The following BBS4 variants were observed in gnomAD, a reference collection of about 807,000 sequenced individuals.
BBS4 encodes the protein Bardet-Biedl syndrome 4.
In BBS4, 58 loss-of-function variants were observed where a neutral mutation model predicts 71.4. The observed-to-expected ratio is 0.81, with a 90% CI of 0.66 to 1.01. The LOEUF is 1.01. BBS4 is among the 50% of genes least tolerant of loss of function. The pLI is 0.00. For synonymous variants in BBS4, 228 were observed against 216.8 expected (o/e 1.05, Z -0.46); for missense variants, 660 against 607.9 (o/e 1.09, Z -0.90).
At chr15:72,701,813 T>A (rs887989192) in intron 2 of BBS4, among the ~76,000 whole-genome samples, 4 of 152,030 alleles carry the variant, frequency 2.6e-5, no homozygotes, top group East Asian at 1.9e-4. Context: ...ACACTGGTTT[T>A]AAAAAAAATA....
rs769131369 is a variant in BBS4, at chr15:72,737,525, G to C, written c.1498G>C (p.Glu500Gln). ...CACAAAGCCCCCATCTCTTCCTCTGGAGCCAGAGCCTGCGGTGGAATCAAG... is the reference window on the plus strand; with the variant it reads ...CACAAAGCCCCCATCTCTTCCTCTGCAGCCAGAGCCTGCGGTGGAATCAAG... The part of the protein sequence containing the change: ...QFTKPPSLPL[E>Q]PEPAVESSPT... Residue 500 changes from glutamate to glutamine, a missense_variant, in exon 16 of 16, where the codon GAG (glutamate) becomes CAG (glutamine). Transcript: ENST00000268057. The C allele has an allele frequency of 4.3e-6, 7 of 1,613,210 alleles. No individual in the cohort carries two copies. The highest frequency in any genetic ancestry group is 5.9e-6 in the Non-Finnish European group (7 of 1,179,672).
At chr15:72,693,560 T>C (rs2065023592) in intron 1 of BBS4, among the ~76,000 whole-genome samples, 1 of 152,232 alleles carries the variant, frequency 6.6e-6, no homozygotes, top group South Asian at 2.1e-4. Context: ...CCATAGACAT[T>C]ATGTAAACAT....
At chr15:72,736,133 T>G (rs1251598685) in intron 14 of BBS4, among the ~76,000 whole-genome samples, 167 bp downstream of exon 14, 2 of 152,140 alleles carry the variant, frequency 1.3e-5, no homozygotes, top group African/African-American at 4.8e-5. Context: ...AGAAAAACTT[T>G]CCTAGAATAA....
chr15:72,714,023 C>T (rs2065423391), intron 4 of BBS4, among the ~76,000 whole-genome samples: 1 of 152,022 alleles, frequency 6.6e-6, no homozygotes, highest in Non-Finnish European at 1.5e-5. Flanking sequence ...GCTTAGGATT[C>T]CTGCCTAATG....
intron 1 of BBS4, among the ~76,000 whole-genome samples, chr15:72,693,268 A>T (rs1036515068): frequency 2.0e-5 from 3 of 152,118 alleles, no homozygotes; most frequent in Admixed American, 6.6e-5. Context: ...TATTTTACCA[A>T]TTCCTTTGCT....
intron 12 of BBS4, 97 bp downstream of exon 12, chr15:72,731,823 ATTCC>A: frequency 2.1e-6 from 3 of 1,440,160 alleles, no homozygotes; most frequent in Non-Finnish European, 2.9e-6. Flanking sequence ...CATAGGAGCC[ATTCC>A]CTTAGAGATC....
intron 9 of BBS4, 102 bp downstream of exon 9, chr15:72,728,096 GTCATATAAAGT>G: frequency 1.2e-6 from 1 of 808,832 alleles, no homozygotes; most frequent in Non-Finnish European, 2.1e-6. Context: ...TTTATTAAAG[GTCATATAAAGT>G]TCATGAACTA....
chr15:72,698,901 T>G (rs1032736373), intron 2 of BBS4, among the ~76,000 whole-genome samples: 5 of 152,192 alleles, frequency 3.3e-5, no homozygotes, highest in Non-Finnish European at 7.3e-5. Flanking sequence ...AATTATAGAG[T>G]TACAAGGTAA....
At chr15:72,696,763 T>C (rs1035493762) in intron 2 of BBS4, among the ~76,000 whole-genome samples, 8 of 151,844 alleles carry the variant, frequency 5.3e-5, no homozygotes, top group Non-Finnish European at 1.0e-4. Context: ...TTTTTATGTA[T>C]TTTTTTTGTA....
chr15:72,702,854 C>G (rs1035451503), intron 2 of BBS4, among the ~76,000 whole-genome samples: 4 of 134,072 alleles, frequency 3.0e-5, no homozygotes, highest in Non-Finnish European at 6.2e-5. Context: ...GTCGCCCAGG[C>G]TGGAGTGCAG....
At chr15:72,707,240 A>G (rs935785903) in intron 2 of BBS4, among the ~76,000 whole-genome samples, 8 of 139,370 alleles carry the variant, frequency 5.7e-5, no homozygotes, top group African/African-American at 2.2e-4. Context: ...GTACAGTGTC[A>G]TGATCTTGGC....
chr15:72,720,997 A>T (rs745623567), intron 6 of BBS4, among the ~76,000 whole-genome samples: 20 of 152,296 alleles, frequency 1.3e-4, no homozygotes, highest in Non-Finnish European at 1.9e-4. Flanking sequence ...AACAATTCCT[A>T]CTGTAGAGCA....
intron 2 of BBS4, among the ~76,000 whole-genome samples, chr15:72,700,707 T>C (rs1260689905): frequency 6.6e-6 from 1 of 152,006 alleles, no homozygotes; most frequent in Non-Finnish European, 1.5e-5. Context: ...GGTAAGTATT[T>C]CCCCCCAGCC....
At chr15:72,688,475 G>A (rs143149316) in intron 1 of BBS4, among the ~76,000 whole-genome samples, 1,428 of 129,370 alleles carry the variant, frequency 0.011, 11 homozygotes, top group Middle Eastern at 0.027. Flanking sequence ...GTGCAGTGGC[G>A]TGATCTCAGC....
Position 72,714,192 on chromosome 15 carries a change from G to A in BBS4, c.221-1099G>A, listed in dbSNP as rs114548672. On this transcript the variant is annotated intron_variant, in intron 4 of 15. Transcript: ENST00000268057. ...AGCAGAGCATAAATTCAGCTCATTA[G>A]AAACCAAAGATAAGGACCACTCACT... 4.5e-3 allele frequency among the ~76,000 whole-genome samples: 653 copies of A among 145,210 alleles called. 8 individuals are homozygous for A. Among genetic ancestry groups the A allele is most frequent in the African/African-American group, 0.016 (635 of 39,806 alleles).
At chr15:72,736,650 G>A in intron 14 of BBS4, 112 bp from the exon 15 acceptor site, 1 of 988,804 alleles carries the variant, frequency 1.0e-6, no homozygotes, top group Non-Finnish European at 1.6e-6. Flanking sequence ...TCAACTGCTA[G>A]TACGACCAGA....
rs753421193 is a variant in BBS4, at chr15:72,712,229, T to G, written c.157-15T>G. 2 of 1,612,928 alleles carry G rather than the reference T, an allele frequency of 1.2e-6. No individual in the cohort carries two copies. The highest frequency in any genetic ancestry group is 8.5e-7 in the Non-Finnish European group (1 of 1,179,274). On this transcript the variant is annotated splice_polypyrimidine_tract_variant and intron_variant, in intron 3 of 15. Coordinates refer to ENST00000268057, the MANE Select transcript of BBS4 (RefSeq NM_033028.5). ...ACTTAACCACTGCTCAGAAGCATTT[T>G]TCTCCCTCTTTCAGGCTGTTATCAA...
intron 1 of BBS4, among the ~76,000 whole-genome samples, chr15:72,689,075 T>G (rs1289823793): frequency 6.6e-6 from 1 of 151,904 alleles, no homozygotes; most frequent in East Asian, 1.9e-4. Context: ...TGGAGGGACT[T>G]CCATGGTGTA....
chr15:72,704,907 C>CA (rs1266848133), intron 2 of BBS4, among the ~76,000 whole-genome samples: 2 of 151,478 alleles, frequency 1.3e-5, no homozygotes, highest in Non-Finnish European at 2.9e-5. Context: ...CAAAACAAAA[C>CA]AAAAACAAAA....
Sources: gnomAD v4.1 joint callset for allele counts (sites outside exome capture counted in the v4.1 genomes callset) on GRCh38, gnomAD v4.1.1 for gene constraint, MANE v1.5 for transcripts, NCBI Gene and HGNC (gene_info 2026-07-23, HGNC 2026-07-21) for gene names.